GLRA2: variants seen among roughly 807,000 people sequenced by gnomAD.
The protein encoded by GLRA2 is glycine receptor subunit alpha-2.
Under a neutral mutation model 31.6 loss-of-function variants are expected in GLRA2, and 11 were observed. The observed-to-expected ratio is 0.35, with a 90% CI of 0.22 to 0.58. The LOEUF (loss-of-function observed/expected upper bound fraction) is 0.58, where lower values mean the gene tolerates loss of function less well. GLRA2 is among the 20% of genes least tolerant of loss of function. The pLI is 0.84. For missense variants in GLRA2, 212 were observed against 351.8 expected (o/e 0.60, Z 3.18); for synonymous variants, 132 against 134.0 (o/e 0.99, Z 0.10).
the GLRA2 span, among the ~76,000 whole-genome samples, chrX:14,519,033 AAG>A: frequency 1.9e-5 from 2 of 106,258 alleles, no homozygotes; most frequent in African/African-American, 6.8e-5. Flanking sequence ...AAAAAAAAAA[AAG>A]GAGATCAGGT....
intron 7 of GLRA2, among the ~76,000 whole-genome samples, chrX:14,667,091 T>C (rs2091044807): frequency 8.9e-6 from 1 of 112,241 alleles, no homozygotes; most frequent in African/African-American, 3.2e-5. Flanking sequence ...GCAATTCATT[T>C]TGGGGCCCCA....
At chrX:14,475,669 T>G in the GLRA2 span, among the ~76,000 whole-genome samples, 1 of 111,343 alleles carries the variant, frequency 9.0e-6, no homozygotes, top group Non-Finnish European at 1.9e-5. Context: ...AGGTAATAAA[T>G]AATTTTTACA....
the GLRA2 span, among the ~76,000 whole-genome samples, chrX:14,487,508 C>T: frequency 9.1e-6 from 1 of 109,650 alleles, no homozygotes; most frequent in African/African-American, 3.3e-5. Flanking sequence ...AAAGGAAATG[C>T]CATTAACAAA....
chrX:14,611,195 A>C (rs780879034), intron 7 of GLRA2, among the ~76,000 whole-genome samples: 1 of 112,675 alleles, frequency 8.9e-6, no homozygotes, highest in African/African-American at 3.2e-5. Flanking sequence ...CATGCATGTA[A>C]ATACTCATTT....
chrX:14,531,220 A>G, intron 1 of GLRA2: 2 of 747,240 alleles, frequency 2.7e-6, no homozygotes, highest in Non-Finnish European at 3.7e-6. Context: ...TAACTCCTAC[A>G]AAATATTTAT....
chrX:14,520,338 T>C, the GLRA2 span, among the ~76,000 whole-genome samples: 1 of 112,459 alleles, frequency 8.9e-6, no homozygotes, highest in Non-Finnish European at 1.9e-5. Context: ...ATTATCATCT[T>C]TAGAATTGTA....
At chrX:14,475,263 GC>G in the GLRA2 span, among the ~76,000 whole-genome samples, 1 of 112,472 alleles carries the variant, frequency 8.9e-6, no homozygotes, top group Non-Finnish European at 1.9e-5. Flanking sequence ...AAGCAAGCAG[GC>G]GCAACAATAA....
chrX:14,523,608 T>C, the GLRA2 span, among the ~76,000 whole-genome samples: 1 of 111,720 alleles, frequency 9.0e-6, no homozygotes, highest in African/African-American at 3.3e-5. Context: ...TTCCTTTCAT[T>C]TGAATACTTG....
chrX:14,609,583 C>G (rs751559874), intron 7 of GLRA2, among the ~76,000 whole-genome samples: 59 of 110,583 alleles, frequency 5.3e-4, no homozygotes, highest in Non-Finnish European at 9.8e-4. Context: ...ATTGGTGAAA[C>G]TATTGCAATT....
chrX:14,720,189 T>G (rs1371805127), intron 8 of GLRA2, among the ~76,000 whole-genome samples: 1 of 111,717 alleles, frequency 9.0e-6, no homozygotes, highest in Non-Finnish European at 1.9e-5. Context: ...GGATTTTGAA[T>G]GTTATCAACA....
intron 1 of GLRA2, 41 bp from the exon 2 acceptor site, chrX:14,532,198 G>C: frequency 9.8e-7 from 1 of 1,022,221 alleles, no homozygotes; most frequent in South Asian, 2.8e-5. Flanking sequence ...CTCAAGGGAT[G>C]CAAATGAAAT....
At chrX:14,502,883 CAA>C in the GLRA2 span, among the ~76,000 whole-genome samples, 67 of 42,105 alleles carry the variant, frequency 1.6e-3, no homozygotes, top group Admixed American at 5.3e-3. Context: ...CACAAAAATG[CAA>C]AAAAAAAAAA....
chrX:14,507,769 C>T, the GLRA2 span, among the ~76,000 whole-genome samples: 3 of 93,064 alleles, frequency 3.2e-5, no homozygotes, highest in South Asian at 6.0e-4. Flanking sequence ...AATCAGCTCA[C>T]TGCAACCTCC....
At chrX:14,538,708 C>A (rs1271080921) in intron 2 of GLRA2, among the ~76,000 whole-genome samples, 1 of 111,736 alleles carries the variant, frequency 8.9e-6, no homozygotes, top group African/African-American at 3.2e-5. Context: ...AGAAATAGAA[C>A]AAATTTAACT....
chrX:14,682,763 A>G (rs2091228734), intron 7 of GLRA2, among the ~76,000 whole-genome samples: 2 of 90,874 alleles, frequency 2.2e-5, no homozygotes, highest in South Asian at 1.1e-3. Context: ...AAGTGTTCTC[A>G]TTGTTCAATT....
intron 2 of GLRA2, among the ~76,000 whole-genome samples, chrX:14,558,189 T>G (rs1245407590): frequency 8.9e-6 from 1 of 112,151 alleles, no homozygotes. Flanking sequence ...CACAGGCATA[T>G]TTTTACAATC....
At chrX:14,707,815 A>AT (rs745582959) in intron 8 of GLRA2, among the ~76,000 whole-genome samples, 2 of 109,673 alleles carry the variant, frequency 1.8e-5, no homozygotes, top group African/African-American at 3.3e-5. Flanking sequence ...GACAGTCTTT[A>AT]TTTTTTTTCT....
chrX:14,684,197 C>T (rs771902283), intron 7 of GLRA2, among the ~76,000 whole-genome samples: 2 of 111,248 alleles, frequency 1.8e-5, no homozygotes, highest in Non-Finnish European at 3.8e-5. Flanking sequence ...GTACCAGTAC[C>T]ATGCTGTTTT....
chrX:14,719,991 G>T (rs1314616936), intron 8 of GLRA2, among the ~76,000 whole-genome samples: 1 of 111,456 alleles, frequency 9.0e-6, no homozygotes, highest in Admixed American at 9.6e-5. Flanking sequence ...TGAAAAAGTA[G>T]ATCTCATAGA....
Sources: allele counts gnomAD v4.1 joint callset (sites outside exome capture counted in the v4.1 genomes callset), GRCh38; gene constraint gnomAD v4.1.1; transcripts MANE v1.5; gene names NCBI Gene and HGNC (gene_info 2026-07-23, HGNC 2026-07-21).